ADGRV1: variants seen among roughly 807,000 people sequenced by gnomAD.
ADGRV1 encodes adhesion G protein-coupled receptor V1, also known as G-protein coupled receptor 98.
A neutral mutation model predicts 596.2 loss-of-function variants in ADGRV1; 359 were observed. The ratio of observed to expected loss-of-function variants is 0.60; its 90% CI spans 0.55 to 0.66. The LOEUF is 0.66. Among genes scored for constraint, ADGRV1 ranks in the 30% least tolerant of loss-of-function variants. ADGRV1 has a pLI of 0.00. For missense variants in ADGRV1, 7,274 were observed against 7,575.6 expected, an observed-to-expected ratio of 0.96 and a Z score of 1.48; for synonymous variants, 2,681 against 2,679.2, an observed-to-expected ratio of 1.00 and a Z score of -0.02.
In ADGRV1 at chr5:90,783,127, A is replaced by T; in HGVS notation, c.13235A>T (p.Glu4412Val). ...FDPKYTAFEV[E>V]EDVGLIMIPV... ...TAATTCCAAGTTCCCATTACAGTGGAGGAAGATGTTGGGCTGATCATGATC... is the reference window on the plus strand; with the variant it reads ...TAATTCCAAGTTCCCATTACAGTGGTGGAAGATGTTGGGCTGATCATGATC... Residue 4412 changes from glutamate to valine, a missense_variant, in exon 66 of 90, where the codon GAG (glutamate) becomes GTG (valine). Coordinates refer to ENST00000405460, the MANE Select transcript of ADGRV1 (RefSeq NM_032119.4). 2 of 1,612,758 alleles carry T rather than the reference A, an allele frequency of 1.2e-6. No individual in the cohort carries two copies. Among genetic ancestry groups the T allele is most frequent in the South Asian group, 2.2e-5 (2 of 91,040 alleles).
rs60957930 is a variant in ADGRV1 at position 91,104,860 on chromosome 5, C to CTT, written c.18432+2536_18432+2537dup. On this transcript the variant is annotated intron_variant, in intron 87 of 89. Transcript: ENST00000405460. Reference sequence around the variant, plus strand: ...CCTTTTCTTTTCTTTCTTTTCTTTTCTTTTTTTTTTTTTTTTTGAGACAGA... The same window carrying CTT: ...CCTTTTCTTTTCTTTCTTTTCTTTTCTTTTTTTTTTTTTTTTTTTGAGACAGA... Among the ~76,000 whole-genome samples the CTT allele has an allele frequency of 5.2e-3, 652 of 125,970 alleles. 9 individuals are homozygous for CTT. Among genetic ancestry groups the CTT allele is most frequent in the East Asian group, 0.013 (55 of 4,386 alleles). 82.6% of individuals were successfully genotyped at this position (125,970 alleles called of 152,430 possible). A position where few individuals can be genotyped will look rare whatever the true frequency, so the allele number is the denominator to read the frequency against.
At position 90,683,806 on chromosome 5, in the gene ADGRV1, A is replaced by G; in HGVS notation, c.5885A>G (p.His1962Arg). 6.2e-7 allele frequency: 1 copy of G among 1,613,888 alleles called. No homozygotes were observed. Among genetic ancestry groups the G allele is most frequent in the Non-Finnish European group, 8.5e-7 (1 of 1,179,870 alleles). Reference sequence around the variant, plus strand: ...GTTTCCAGTGGTTCTTTGGGAGCTCATATTAATGCCACGTTAACAGTTTTG... The same window carrying G: ...GTTTCCAGTGGTTCTTTGGGAGCTCGTATTAATGCCACGTTAACAGTTTTG... Reference protein sequence around the residue: ...LSVSSGSLGAHINATLTVLAS... With the variant: ...LSVSSGSLGARINATLTVLAS... The change falls in exon 28 of 90, where the codon CAT becomes CGT. Residue 1962 changes from histidine (H) to arginine (R), a missense_variant. By Grantham distance (29) the His-to-Arg change is conservative (BLOSUM62 0). This residue lies in a region of ADGRV1 where 3,643 missense variants were observed against 3,809.2 expected (regional missense o/e 0.96). Transcript: ENST00000405460.
chr5:90,798,938 G>A (rs1437629431), intron 70 of ADGRV1, among the ~76,000 whole-genome samples: 1 of 152,088 alleles, frequency 6.6e-6, no homozygotes, highest in African/African-American at 2.4e-5. Flanking sequence ...AAAATAATAA[G>A]AGCTATTTAT....
intron 88 of ADGRV1, among the ~76,000 whole-genome samples, chr5:91,152,796 A>G (rs1796167842): frequency 6.6e-6 from 1 of 152,134 alleles, no homozygotes; most frequent in South Asian, 2.1e-4. Flanking sequence ...CCTCCTGAGT[A>G]GCTGGGAATA....
intron 59 of ADGRV1, among the ~76,000 whole-genome samples, chr5:90,764,612 T>C (rs766365892): frequency 5.3e-5 from 8 of 152,158 alleles, no homozygotes; most frequent in South Asian, 2.1e-4. Flanking sequence ...GGGACTTTGA[T>C]GGGCTGTGCT....
chr5:91,097,231 G>A (rs1399263040), intron 86 of ADGRV1, among the ~76,000 whole-genome samples: 1 of 152,150 alleles, frequency 6.6e-6, no homozygotes, highest in Admixed American at 6.5e-5. Flanking sequence ...TGCCTTCTTG[G>A]TGTGTCCTCA....
intron 1 of ADGRV1, among the ~76,000 whole-genome samples, chr5:90,587,052 T>A (rs1011620426): frequency 1.3e-5 from 2 of 152,216 alleles, no homozygotes; most frequent in Non-Finnish European, 2.9e-5. Flanking sequence ...CCTAGTTACC[T>A]TCAGTGGTGG....
At position 91,014,136 on chromosome 5, in the gene ADGRV1, C is replaced by CACACACACA. The variant is rs1782962720; in HGVS notation, c.18152+28614_18152+28615insACACACACA. On this transcript the variant is annotated intron_variant, in intron 85 of 89. Transcript: ENST00000405460. ...TCATAGGCAATCCCATTCACAATTG[C>CACACACACA]CACACACACACACACACACACACAC... is the stretch of plus-strand genomic sequence containing the variant. Among the ~76,000 whole-genome samples, 97 of 35,696 alleles carry CACACACACA rather than the reference C, an allele frequency of 2.7e-3. 2 individuals carry two copies. The highest frequency in any genetic ancestry group is 7.7e-3 in the African/African-American group (87 of 11,368). The allele number at this position is 35,696 out of a possible 152,430, so 23.4% of individuals were successfully genotyped here. A position where few individuals can be genotyped will look rare whatever the true frequency, so the allele number is the denominator to read the frequency against.
intron 6 of ADGRV1, chr5:90,626,102 CAGAAA>C (rs1431998564): frequency 4.6e-5 from 7 of 151,890 alleles, no homozygotes; most frequent in Non-Finnish European, 1.0e-4. Flanking sequence ...TAAGTTTTGC[CAGAAA>C]AGAAAACAAA....
At chr5:91,082,006 A>G (rs956238939) in intron 86 of ADGRV1, among the ~76,000 whole-genome samples, 1 of 152,186 alleles carries the variant, frequency 6.6e-6, no homozygotes, top group African/African-American at 2.4e-5. Context: ...ATTGAAACTA[A>G]TTTCCATCTT....
chr5:91,151,302 A>G (rs560747326), intron 88 of ADGRV1, among the ~76,000 whole-genome samples: 1 of 152,172 alleles, frequency 6.6e-6, no homozygotes, highest in Non-Finnish European at 1.5e-5. Context: ...TTTTAGTTTG[A>G]ATGAGAAATT....
In ADGRV1 at chr5:90,653,607, C is replaced by T. The variant is rs1246188990; in HGVS notation, c.4033C>T (p.His1345Tyr). The T allele has an allele frequency of 6.2e-7, 1 of 1,613,670 alleles. No homozygotes were observed. The highest frequency in any genetic ancestry group is 1.1e-5 in the South Asian group (1 of 91,018). ...ATTTGGGACTGTTAATCCAAAATAC[C>T]ATCCCTCCAGGAATAATACAATTGC... ...GAFGTVNPKYHPSRNNTIANF... is the reference protein window; with the variant it reads ...GAFGTVNPKYYPSRNNTIANF... The change falls in exon 20 of 90, where the codon CAT becomes TAT. Residue 1345 changes from histidine to tyrosine, a missense_variant. By Grantham distance (83) the His-to-Tyr change is moderately conservative. This residue lies in a region of ADGRV1 where 1,715 missense variants were observed against 1,708.8 expected (regional missense o/e 1.00). Coordinates refer to ENST00000405460, the MANE Select transcript of ADGRV1 (RefSeq NM_032119.4).
intron 50 of ADGRV1, among the ~76,000 whole-genome samples, chr5:90,734,078 T>A (rs1328509382): frequency 6.6e-6 from 1 of 152,256 alleles, no homozygotes; most frequent in Non-Finnish European, 1.5e-5. Flanking sequence ...CCATCCATAT[T>A]GTCCCAAATG....
chr5:91,155,809 T>G (rs1796431937), intron 89 of ADGRV1, among the ~76,000 whole-genome samples: 1 of 152,220 alleles, frequency 6.6e-6, no homozygotes, highest in Admixed American at 6.5e-5. Context: ...CTATTTGTTT[T>G]GAGGCAAAAT....
intron 83 of ADGRV1, among the ~76,000 whole-genome samples, chr5:90,961,236 C>CA (rs1038914048): frequency 1.3e-5 from 2 of 152,078 alleles, no homozygotes; most frequent in African/African-American, 4.8e-5. Context: ...CGCAGCGGTT[C>CA]ACGCCTGTAA....
At chr5:90,987,575 C>T (rs374878042) in intron 85 of ADGRV1, among the ~76,000 whole-genome samples, 2 of 151,530 alleles carry the variant, frequency 1.3e-5, no homozygotes, top group Non-Finnish European at 1.5e-5. Flanking sequence ...CATTCCCATA[C>T]GAATTTATTC....
intron 85 of ADGRV1, among the ~76,000 whole-genome samples, chr5:91,069,175 A>G (rs967564957): frequency 6.6e-6 from 1 of 152,176 alleles, no homozygotes; most frequent in Non-Finnish European, 1.5e-5. Context: ...TATAACCTAC[A>G]ACTATAAAAC....
intron 83 of ADGRV1, among the ~76,000 whole-genome samples, chr5:90,932,080 G>T (rs553273150): frequency 6.6e-6 from 1 of 152,118 alleles, no homozygotes. Flanking sequence ...CTCAAGCATT[G>T]CAGGGCAGCT....
intron 84 of ADGRV1, among the ~76,000 whole-genome samples, chr5:90,971,809 T>A (rs1581671794): frequency 6.6e-6 from 1 of 152,046 alleles, no homozygotes; most frequent in Admixed American, 6.5e-5. Flanking sequence ...AGAAAAATAA[T>A]CAGCTAACAT....
Sources: gnomAD v4.1 joint callset for allele counts (sites outside exome capture counted in the v4.1 genomes callset) on GRCh38, gnomAD v4.1.1 for gene constraint, gnomAD v4.1.1 regional missense constraint, MANE v1.5 for transcripts, NCBI Gene and HGNC (gene_info 2026-07-23, HGNC 2026-07-21) for gene names.